Variants in DOCK3 observed in about 807,000 individuals in gnomAD.
DOCK3 encodes the protein dedicator of cytokinesis protein 3.
A neutral mutation model predicts 265.6 loss-of-function variants in DOCK3; 60 were observed. The observed-to-expected ratio is 0.23, with a 90% CI of 0.18 to 0.28. The LOEUF (loss-of-function observed/expected upper bound fraction) is 0.28, where lower values mean the gene tolerates loss of function less well. Ranked by LOEUF, DOCK3 falls within the 10% of genes least tolerant of loss-of-function variation. DOCK3 has a pLI of 1.00. For synonymous variants in DOCK3, 881 were observed against 938.0 expected, an observed-to-expected ratio of 0.94 and a Z score of 1.11; for missense variants, 1,981 against 2,594.3, an observed-to-expected ratio of 0.76 and a Z score of 5.14.
At chr3:51,335,492 AT>A (rs968914730) in intron 35 of DOCK3, among the ~76,000 whole-genome samples, 1 of 152,192 alleles carries the variant, frequency 6.6e-6, no homozygotes, top group African/African-American at 2.4e-5. Context: ...AATGATGATC[AT>A]TTGTCATTCT....
chr3:50,875,226 A>G (rs529088331), intron 3 of DOCK3, among the ~76,000 whole-genome samples: 1 of 152,236 alleles, frequency 6.6e-6, no homozygotes, highest in Non-Finnish European at 1.5e-5. Context: ...TAAAAAAAAA[A>G]TTATGTTGTC....
At position 51,205,895 on chromosome 3, in the gene DOCK3, C is replaced by T. The variant is rs576582535; in HGVS notation, c.1038-2879C>T. Among the ~76,000 whole-genome samples the T allele has an allele frequency of 2.4e-4, 36 of 152,248 alleles. No homozygotes were observed. The South Asian group carries it at 3.3e-3, about 14-fold the overall frequency. ...CAGTCATGAGTAGACTGCAAAATTT[C>T]GAGAGTTCAGTCTTGGCAATCTGCA... On this transcript the variant is annotated intron_variant, in intron 12 of 52. Coordinates refer to ENST00000266037, the MANE Select transcript of DOCK3 (RefSeq NM_004947.5).
At chr3:50,876,518 T>A (rs35193996) in intron 3 of DOCK3, among the ~76,000 whole-genome samples, 15,084 of 152,200 alleles carry the variant, frequency 0.099, 927 homozygotes, top group Non-Finnish European at 0.13. Flanking sequence ...ATGAATATCC[T>A]AATGGCAAAC....
chr3:50,762,861 A>T (rs957130989), intron 1 of DOCK3, among the ~76,000 whole-genome samples: 1 of 152,014 alleles, frequency 6.6e-6, no homozygotes, highest in African/African-American at 2.4e-5. Context: ...TTGGCATGAG[A>T]GTAAGTAATA....
At chr3:50,983,791 G>A (rs2077791208) in intron 5 of DOCK3, among the ~76,000 whole-genome samples, 1 of 152,182 alleles carries the variant, frequency 6.6e-6, no homozygotes, top group Non-Finnish European at 1.5e-5. Context: ...CACAAACAGG[G>A]CTGAAACATG....
chr3:50,775,646 G>T (rs903597184), intron 1 of DOCK3, among the ~76,000 whole-genome samples: 40 of 152,004 alleles, frequency 2.6e-4, no homozygotes, highest in Non-Finnish European at 7.4e-5. Flanking sequence ...TGGTTTCATG[G>T]ATGAGTTCTT....
At chr3:50,793,547 G>C (rs1254762172) in intron 2 of DOCK3, among the ~76,000 whole-genome samples, 3 of 151,324 alleles carry the variant, frequency 2.0e-5, no homozygotes, top group Non-Finnish European at 4.4e-5. Flanking sequence ...TAGTAGAGAC[G>C]GGATTTCGCC....
intron 9 of DOCK3, among the ~76,000 whole-genome samples, chr3:51,109,653 A>G (rs2083432798): frequency 6.6e-6 from 1 of 152,164 alleles, no homozygotes; most frequent in African/African-American, 2.4e-5. Context: ...GCCAGATGAA[A>G]TGGCTCATGT....
At position 51,111,229 on chromosome 3, in the gene DOCK3, C is replaced by T. The variant is rs1008112287; in HGVS notation, c.746+20845C>T. Among the ~76,000 whole-genome samples, 8 of 152,078 alleles carry T rather than the reference C, an allele frequency of 5.3e-5. No homozygotes were observed. In the South Asian group the frequency reaches 1.7e-3, roughly 32 times the overall value. Reference sequence around the variant, plus strand: ...TTCCATGCTCATGGATAGGAAGAATCAGTATTGTTAGAATAGCCAAGGCAA... The same window carrying T: ...TTCCATGCTCATGGATAGGAAGAATTAGTATTGTTAGAATAGCCAAGGCAA... On this transcript the variant is annotated intron_variant, in intron 9 of 52. Transcript: ENST00000266037.
At chr3:50,883,482 C>A (rs2048164751) in intron 3 of DOCK3, among the ~76,000 whole-genome samples, 1 of 151,746 alleles carries the variant, frequency 6.6e-6, no homozygotes, top group Non-Finnish European at 1.5e-5. Context: ...TTATCATTTT[C>A]TTTCTGCTTA....
chr3:51,118,536 C>G (rs916097129), intron 9 of DOCK3, among the ~76,000 whole-genome samples: 1 of 152,184 alleles, frequency 6.6e-6, no homozygotes, highest in African/African-American at 2.4e-5. Flanking sequence ...TCTCGTTGAT[C>G]TGTCTAATAT....
Position 51,383,814 on chromosome 3 carries a change from G to GTA in DOCK3, c.*2257_*2258dup, listed in dbSNP as rs1370454136. Reference sequence around the variant, plus strand: ...TTGTAAATACCTATTTGAATGCTGTGTATTTGTACAGGAATTTGAGCAAAA... The same window carrying GTA: ...TTGTAAATACCTATTTGAATGCTGTGTATATTTGTACAGGAATTTGAGCAAAA... On this transcript the variant is annotated 3_prime_UTR_variant, in exon 53 of 53. Coordinates refer to ENST00000266037, the MANE Select transcript of DOCK3 (RefSeq NM_004947.5). 1 of 152,642 alleles carries GTA rather than the reference G, an allele frequency of 6.6e-6. No homozygotes were observed. The highest frequency in any genetic ancestry group is 1.5e-5 in the Non-Finnish European group (1 of 68,042). The allele number at this position is 152,642 out of a possible 1,614,324, so 9.5% of individuals were successfully genotyped here.
chr3:51,212,638 T>C (rs913786008), intron 13 of DOCK3, among the ~76,000 whole-genome samples: 28 of 152,168 alleles, frequency 1.8e-4, no homozygotes, highest in African/African-American at 6.0e-4. Flanking sequence ...TATCCCAAGC[T>C]GTTCTCTACA....
At chr3:50,814,910 C>T (rs569135803) in intron 2 of DOCK3, among the ~76,000 whole-genome samples, 12 of 152,124 alleles carry the variant, frequency 7.9e-5, no homozygotes, top group African/African-American at 1.4e-4. Context: ...CTGCAACCTC[C>T]GCCTCCTGGG....
At chr3:51,277,369 G>C (rs970757541) in intron 25 of DOCK3, among the ~76,000 whole-genome samples, 1 of 152,178 alleles carries the variant, frequency 6.6e-6, no homozygotes, top group Non-Finnish European at 1.5e-5. Flanking sequence ...CAAAGTTGCA[G>C]GTGGTGTTGA....
intron 5 of DOCK3, among the ~76,000 whole-genome samples, chr3:50,936,219 C>T (rs2051352096): frequency 6.6e-6 from 1 of 151,492 alleles, no homozygotes; most frequent in Admixed American, 6.6e-5. Context: ...ATGAACAGGT[C>T]AATTTGAAGA....
At position 50,675,165 on chromosome 3, in the gene DOCK3, C is replaced by A; in HGVS notation, c.-99C>A. The A allele has an allele frequency of 1.1e-6, 1 of 894,518 alleles. No individual in the cohort carries two copies. Among genetic ancestry groups the A allele is most frequent in the Non-Finnish European group, 1.4e-6 (1 of 731,888 alleles). 55.4% of individuals were successfully genotyped at this position (894,518 alleles called of 1,614,324 possible). On this transcript the variant is annotated 5_prime_UTR_variant, in exon 1 of 53. Transcript: ENST00000266037. This position sits in a 1 kb window ranked among gnomAD's most constrained non-coding sequence, Gnocchi z 6.1. ...CCACTGCCCCGCGCCGCCTGACCGT[C>A]CCCGCCTCGACTCGCGGTGCGCCAC...
chr3:51,066,418 C>G (rs368161737), intron 6 of DOCK3, among the ~76,000 whole-genome samples: 1 of 152,110 alleles, frequency 6.6e-6, no homozygotes, highest in Non-Finnish European at 1.5e-5. Flanking sequence ...AAAAATAGTT[C>G]CTCTCACAAA....
intron 1 of DOCK3, among the ~76,000 whole-genome samples, chr3:50,745,800 G>A (rs922323041): frequency 1.3e-5 from 2 of 152,142 alleles, no homozygotes; most frequent in African/African-American, 2.4e-5. Flanking sequence ...TAATCAGATC[G>A]TTCATCCGTG....
Sources: allele counts gnomAD v4.1 joint callset (sites outside exome capture counted in the v4.1 genomes callset), GRCh38; gene constraint gnomAD v4.1.1; non-coding constraint Gnocchi (gnomAD v3.1); transcripts MANE v1.5; gene names NCBI Gene and HGNC (gene_info 2026-07-23, HGNC 2026-07-21).